Variants in PMM2 observed in about 807,000 individuals in gnomAD.
PMM2 encodes mannose-6-phosphate isomerase.
PMM2 carries 35 observed loss-of-function variants against 33.2 expected under a neutral mutation model. The ratio of observed to expected loss-of-function variants is 1.06; its 90% confidence interval spans 0.81 to 1.40. PMM2 has a LOEUF of 1.40. Among genes scored for constraint, PMM2 ranks in the 40% most tolerant of loss-of-function variants. PMM2 has a pLI of 0.00. For missense variants in PMM2, 386 were observed against 306.0 expected (o/e 1.26, Z -1.95); for synonymous variants, 153 against 114.7 (o/e 1.33, Z -2.13).
Position 8,811,623 on chromosome 16 carries a change from TTTTG to T in PMM2, c.448-11_448-8del. Reference sequence around the variant, plus strand: ...GCAATACAAGAAACAATTGGTATCTTTTTGTTTTTCTCAGAAAGAAAATATAAGA... The same window carrying T: ...GCAATACAAGAAACAATTGGTATCTTTTTTTCTCAGAAAGAAAATATAAGA... On this transcript the variant is annotated splice_polypyrimidine_tract_variant and intron_variant, in intron 5 of 7. Coordinates refer to ENST00000268261, the MANE Select transcript of PMM2 (RefSeq NM_000303.3). 1.3e-6 allele frequency: 2 copies of T among 1,571,754 alleles called. No individual in the cohort carries two copies. Among genetic ancestry groups the T allele is most frequent in the Non-Finnish European group, 1.8e-6 (2 of 1,141,374 alleles).
rs147688858 is a variant in PMM2, at chr16:8,813,150, C to G, written c.639+44C>G. 9.9e-6 allele frequency: 12 copies of G among 1,211,834 alleles called. No individual in the cohort carries two copies. The East Asian group carries it at 2.8e-4, about 28-fold the overall frequency. 75.1% of individuals were successfully genotyped at this position (1,211,834 alleles called of 1,614,324 possible). On this transcript the variant is annotated intron_variant, in intron 7 of 7. Transcript: ENST00000268261. ...GTGCACCTTCATTGTTGCATTTGCG[C>G]TTGATGGGGGAAATTGACAACTGGG...
intron 7 of PMM2, among the ~76,000 whole-genome samples, chr16:8,838,914 T>C (rs1037775894): frequency 2.0e-5 from 3 of 151,990 alleles, no homozygotes; most frequent in African/African-American, 4.8e-5. Context: ...AGTCCTCTTT[T>C]TTCAACAGTG....
intron 7 of PMM2, among the ~76,000 whole-genome samples, chr16:8,817,651 C>A (rs1051447016): frequency 1.3e-5 from 2 of 152,054 alleles, no homozygotes; most frequent in African/African-American, 4.8e-5. Flanking sequence ...TAAAATCTTA[C>A]CTACGTTTTA....
At chr16:8,830,580 A>C (rs1283539107) in intron 7 of PMM2, among the ~76,000 whole-genome samples, 1 of 151,984 alleles carries the variant, frequency 6.6e-6, no homozygotes. Context: ...TGCCGGTTGA[A>C]TCATATTACC....
rs2060950453 is a variant in PMM2, at chr16:8,849,278, A to G, written c.*1453A>G. The stretch of plus-strand genomic sequence containing the variant: ...ATCTTTCCTTGTCGAATGATACTGT[A>G]ATGACCTTCCAAAGTGAAGAGTAGC... On this transcript the variant is annotated 3_prime_UTR_variant, in exon 8 of 8. Coordinates refer to ENST00000268261, the MANE Select transcript of PMM2 (RefSeq NM_000303.3). 1 of 152,250 alleles carries G rather than the reference A, an allele frequency of 6.6e-6. No individual in the cohort carries two copies. The highest frequency in any genetic ancestry group is 1.5e-5 in the Non-Finnish European group (1 of 68,056). 9.4% of individuals were successfully genotyped at this position (152,250 alleles called of 1,614,324 possible). A position where few individuals can be genotyped will look rare whatever the true frequency, so the allele number is the denominator to read the frequency against.
chr16:8,836,162 G>A (rs2060844839), intron 7 of PMM2, among the ~76,000 whole-genome samples: 3 of 137,942 alleles, frequency 2.2e-5, no homozygotes, highest in African/African-American at 2.7e-5. Context: ...GTAATGTGGA[G>A]TGGGTAGCCT....
intron 7 of PMM2, among the ~76,000 whole-genome samples, chr16:8,829,637 G>A (rs903259502): frequency 3.3e-5 from 5 of 152,146 alleles, no homozygotes; most frequent in Admixed American, 1.3e-4. Context: ...GGGAAGGGAC[G>A]CCTTCCACCG....
In PMM2 at chr16:8,847,678, G is replaced by A. The variant is rs113866602; in HGVS notation, c.640-46G>A. On this transcript the variant is annotated intron_variant, in intron 7 of 7. Transcript: ENST00000268261. ...TCCAGGGTCACATCAGCAATGGCCCGGGACAGACGAGGGGGAGCCTTCATC... is the reference window on the plus strand; with the variant it reads ...TCCAGGGTCACATCAGCAATGGCCCAGGACAGACGAGGGGGAGCCTTCATC... 1.2e-3 allele frequency: 1,677 copies of A among 1,421,952 alleles called. 18 individuals are homozygous for A. In the African/African-American group the frequency reaches 0.02, roughly 17 times the overall value. The allele number at this position is 1,421,952 out of a possible 1,614,324, so 88.1% of individuals were successfully genotyped here. A position where few individuals can be genotyped will look rare whatever the true frequency, so the allele number is the denominator to read the frequency against.
Position 8,849,235 on chromosome 16 carries a change from A to T in PMM2, c.*1410A>T, listed in dbSNP as rs1332684817. On this transcript the variant is annotated 3_prime_UTR_variant, in exon 8 of 8. Transcript: ENST00000268261. The stretch of plus-strand genomic sequence containing the variant: ...CCAGCTCATCCCAGTGACTCACAGG[A>T]CACAGCCATCCAGCGGCATCTTTCC... 3 of 152,360 alleles carry T rather than the reference A, an allele frequency of 2.0e-5. No homozygotes were observed. Among genetic ancestry groups the T allele is most frequent in the Non-Finnish European group, 4.4e-5 (3 of 68,098 alleles). 9.4% of individuals were successfully genotyped at this position (152,360 alleles called of 1,614,324 possible).
rs2141042384 is a variant in PMM2 at position 8,836,663 on chromosome 16, C to G, written c.640-11061C>G. ...TAAGTCCTGTTATGGGGTTTGAGGG[C>G]CAGATTCTAATTTTTGGAGTTTTAT... On this transcript the variant is annotated intron_variant, in intron 7 of 7. Transcript: ENST00000268261. 2.6e-5 allele frequency among the ~76,000 whole-genome samples: 4 copies of G among 152,026 alleles called. No individual in the cohort carries two copies. The South Asian group carries it at 8.3e-4, about 32-fold the overall frequency.
At chr16:8,808,955 G>T (rs1199915800) in intron 4 of PMM2, 1 of 152,240 alleles carries the variant, frequency 6.6e-6, no homozygotes, top group Non-Finnish European at 1.5e-5. Context: ...ATAGGAGAGA[G>T]GATCCAGACG....
At chr16:8,825,204 G>T (rs770370454) in intron 7 of PMM2, among the ~76,000 whole-genome samples, 12 of 151,494 alleles carry the variant, frequency 7.9e-5, no homozygotes, top group Non-Finnish European at 1.8e-4. Flanking sequence ...CTAATTTTTT[G>T]TATTTTTTAG....
At chr16:8,807,176 T>TG (rs1194016473) in intron 4 of PMM2, 1 of 150,990 alleles carries the variant, frequency 6.6e-6, no homozygotes, top group Non-Finnish European at 1.5e-5. Flanking sequence ...TTTTTTTTTT[T>TG]TTGTATTTTT....
chr16:8,837,398 G>T (rs924837914), intron 7 of PMM2, among the ~76,000 whole-genome samples: 9 of 151,974 alleles, frequency 5.9e-5, no homozygotes, highest in African/African-American at 2.2e-4. Flanking sequence ...TTTTAGGTCA[G>T]GTGTGAGTTG....
intron 7 of PMM2, among the ~76,000 whole-genome samples, chr16:8,817,093 G>T (rs79537036): frequency 6.6e-6 from 1 of 152,334 alleles, no homozygotes; most frequent in South Asian, 2.1e-4. Context: ...GATACCTGCT[G>T]TTTAAATGAG....
intron 7 of PMM2, among the ~76,000 whole-genome samples, chr16:8,847,320 C>T (rs1246563778): frequency 2.6e-5 from 4 of 151,464 alleles, no homozygotes; most frequent in African/African-American, 4.9e-5. Context: ...GCCCTGCTCC[C>T]GGCCCTCTGC....
At chr16:8,843,316 G>C (rs1387873057) in intron 7 of PMM2, among the ~76,000 whole-genome samples, 3 of 152,148 alleles carry the variant, frequency 2.0e-5, no homozygotes, top group African/African-American at 7.2e-5. Flanking sequence ...CGTCCGTGAT[G>C]GTCTGGGGGC....
intron 7 of PMM2, among the ~76,000 whole-genome samples, chr16:8,824,342 A>G (rs1226419886): frequency 2.0e-5 from 3 of 152,226 alleles, no homozygotes; most frequent in Non-Finnish European, 2.9e-5. Flanking sequence ...TTTGAAAAGG[A>G]TAAAACCAAG....
At chr16:8,806,228 A>G (rs1163679819) in intron 3 of PMM2, 88 bp from the exon 4 acceptor site, 7 of 821,802 alleles carry the variant, frequency 8.5e-6, no homozygotes, top group African/African-American at 3.3e-5. Flanking sequence ...ATTTTCAGCA[A>G]TCGTGGCTGA....
Sources: gnomAD v4.1 joint callset for allele counts (sites outside exome capture counted in the v4.1 genomes callset) on GRCh38, gnomAD v4.1.1 for gene constraint, MANE v1.5 for transcripts, NCBI Gene and HGNC (gene_info 2026-07-23, HGNC 2026-07-21) for gene names.